VPS41: variants seen among roughly 807,000 people sequenced by gnomAD.
The protein encoded by VPS41 is VPS41 subunit of HOPS complex.
A neutral mutation model predicts 130.9 loss-of-function variants in VPS41; 85 were observed. The observed-to-expected ratio is 0.65, with a 90% CI of 0.55 to 0.78. The LOEUF is 0.78. Ranked by LOEUF, VPS41 falls within the 30% of genes least tolerant of loss-of-function variation. VPS41 has a pLI of 0.00. For missense variants in VPS41, 874 were observed against 1,018.7 expected (o/e 0.86, Z 1.93); for synonymous variants, 335 against 332.9 (o/e 1.01, Z -0.07).
intron 10 of VPS41, among the ~76,000 whole-genome samples, chr7:38,778,742 G>A (rs1221081990): frequency 1.3e-5 from 2 of 152,088 alleles, no homozygotes; most frequent in East Asian, 3.9e-4. Context: ...AAGGGAAAAC[G>A]TCTCCTAATC....
intron 4 of VPS41, among the ~76,000 whole-genome samples, chr7:38,857,286 C>T (rs886593893): frequency 3.9e-5 from 6 of 152,204 alleles, no homozygotes; most frequent in African/African-American, 1.4e-4. Context: ...TTTTAATCTC[C>T]TTTTTTTGTA....
chr7:38,850,078 C>G (rs1432111878), intron 4 of VPS41, among the ~76,000 whole-genome samples: 1 of 152,120 alleles, frequency 6.6e-6, no homozygotes, highest in African/African-American at 2.4e-5. Context: ...AAAGATAAGC[C>G]CACAGACTAG....
chr7:38,824,845 C>T (rs1384055610), intron 5 of VPS41, among the ~76,000 whole-genome samples: 1 of 151,962 alleles, frequency 6.6e-6, no homozygotes, highest in Non-Finnish European at 1.5e-5. Flanking sequence ...TTCTATTATG[C>T]AGAAAAGTAT....
Position 38,767,537 on chromosome 7 carries a change from C to G in VPS41, c.1247G>C (p.Arg416Pro), listed in dbSNP as rs1211913824. ...VERGDYDIAA[R>P]KCQKILGKNA... is the part of the protein sequence containing the mutation. ...ATAATTGTGAAAATGTCATCATTAC[C>G]GTGCTGCTATGTCATAGTCTCCTCT... The change falls in exon 15 of 29, where the codon CGC (arginine) becomes CCC (proline). Residue 416 changes from arginine (R) to proline (P), a missense_variant and splice_region_variant. Physicochemically the swap from Arg to Pro is moderately radical, Grantham distance 103. Transcript: ENST00000310301. 1 of 1,594,426 alleles carries G rather than the reference C, an allele frequency of 6.3e-7. No homozygotes were observed. The highest frequency in any genetic ancestry group is 1.7e-5 in the Admixed American group (1 of 58,846).
intron 2 of VPS41, among the ~76,000 whole-genome samples, chr7:38,892,682 A>T (rs1786892226): frequency 6.6e-6 from 1 of 152,244 alleles, no homozygotes; most frequent in African/African-American, 2.4e-5. Flanking sequence ...GCCATATAAA[A>T]GAGGTCACCA....
intron 13 of VPS41, among the ~76,000 whole-genome samples, chr7:38,771,915 C>A (rs969568585): frequency 6.6e-6 from 1 of 151,990 alleles, no homozygotes; most frequent in Non-Finnish European, 1.5e-5. Context: ...TTTTCCAAAT[C>A]CTTTCAGATG....
intron 7 of VPS41, among the ~76,000 whole-genome samples, chr7:38,808,349 TG>T (rs1432293865): frequency 6.6e-6 from 1 of 152,204 alleles, no homozygotes; most frequent in African/African-American, 2.4e-5. Context: ...TTTTATTGCT[TG>T]GTTTTTCATA....
At position 38,821,706 on chromosome 7, in the gene VPS41, C is replaced by CAAA. The variant is rs10669199; in HGVS notation, c.322-444_322-442dup. On this transcript the variant is annotated intron_variant, in intron 5 of 28. Coordinates refer to ENST00000310301, the MANE Select transcript of VPS41 (RefSeq NM_014396.4). The stretch of plus-strand genomic sequence containing the variant: ...TGGGTGACAGAGTGAGACTCCGTCT[C>CAAA]AAAAAAAAAAAAAAAGAAAAAGAAA... Among the ~76,000 whole-genome samples the CAAA allele has an allele frequency of 1.5e-3, 173 of 117,116 alleles. 1 individual carries two copies. The highest frequency in any genetic ancestry group is 3.2e-3 in the East Asian group (13 of 4,074). The allele number at this position is 117,116 out of a possible 152,430, so 76.8% of individuals were successfully genotyped here. A position where few individuals can be genotyped will look rare whatever the true frequency, so the allele number is the denominator to read the frequency against.
chr7:38,762,926 A>G (rs1337374171), intron 17 of VPS41, among the ~76,000 whole-genome samples: 1 of 152,206 alleles, frequency 6.6e-6, no homozygotes, highest in Non-Finnish European at 1.5e-5. Context: ...TCAACAGGGT[A>G]ACTTTGACGA....
At chr7:38,846,999 T>TA (rs1300641264) in intron 4 of VPS41, among the ~76,000 whole-genome samples, 1 of 151,938 alleles carries the variant, frequency 6.6e-6, no homozygotes, top group Non-Finnish European at 1.5e-5. Context: ...ATATTTAGAT[T>TA]AAAAAAGAGT....
chr7:38,801,567 A>G (rs1321952688), intron 7 of VPS41, among the ~76,000 whole-genome samples: 1 of 152,210 alleles, frequency 6.6e-6, no homozygotes, highest in Non-Finnish European at 1.5e-5. Flanking sequence ...GAAAGTCATC[A>G]TTTAAGAGAA....
At chr7:38,785,759 T>C (rs911715816) in intron 10 of VPS41, among the ~76,000 whole-genome samples, 1 of 152,180 alleles carries the variant, frequency 6.6e-6, no homozygotes, top group African/African-American at 2.4e-5. Flanking sequence ...TTTCTTCTTT[T>C]TAAAAGGGCT....
intron 4 of VPS41, among the ~76,000 whole-genome samples, chr7:38,846,997 A>G (rs1341485909): frequency 1.3e-5 from 2 of 152,176 alleles, no homozygotes; most frequent in Non-Finnish European, 2.9e-5. Context: ...CAATATTTAG[A>G]TTAAAAAAGA....
chr7:38,908,563 T>C (rs1253560325), intron 1 of VPS41, among the ~76,000 whole-genome samples: 1 of 152,136 alleles, frequency 6.6e-6, no homozygotes, highest in Admixed American at 6.5e-5. Context: ...AGGACGGCCT[T>C]ATTATTACCC....
intron 18 of VPS41, among the ~76,000 whole-genome samples, chr7:38,757,413 C>T (rs1783819920): frequency 6.6e-6 from 1 of 152,134 alleles, no homozygotes; most frequent in Admixed American, 6.5e-5. Context: ...CTGTGTCTAA[C>T]TGAAATGTGT....
chr7:38,738,468 T>G (rs1448679203), intron 25 of VPS41, among the ~76,000 whole-genome samples: 4 of 152,106 alleles, frequency 2.6e-5, no homozygotes, highest in African/African-American at 9.7e-5. Flanking sequence ...TCAAAAGAAG[T>G]CTTTAAGAAC....
chr7:38,762,673 A>G (rs1214939997), intron 17 of VPS41, among the ~76,000 whole-genome samples: 1 of 152,234 alleles, frequency 6.6e-6, no homozygotes, highest in Non-Finnish European at 1.5e-5. Flanking sequence ...TTGTTAGGGA[A>G]CACAGCTATT....
rs769191459 is a variant in VPS41 at position 38,728,538 on chromosome 7, T to C, written c.2404+4A>G. 5.6e-6 allele frequency: 9 copies of C among 1,614,172 alleles called. No homozygotes were observed. The South Asian group carries it at 9.9e-5, about 18-fold the overall frequency. On this transcript the variant is annotated splice_donor_region_variant and intron_variant, in intron 27 of 28. Transcript: ENST00000310301. Reference sequence around the variant, plus strand: ...TGGGATTTTTTTGGGGAAAACCTTCTTACCTGATGGAAGAATAGGGGAAAG... The same window carrying C: ...TGGGATTTTTTTGGGGAAAACCTTCCTACCTGATGGAAGAATAGGGGAAAG...
chr7:38,819,219 A>T (rs1785118157), intron 6 of VPS41, among the ~76,000 whole-genome samples: 1 of 152,224 alleles, frequency 6.6e-6, no homozygotes, highest in Non-Finnish European at 1.5e-5. Flanking sequence ...TCTAACTTGC[A>T]ATAGCTAGGC....
Sources: allele counts gnomAD v4.1 joint callset (sites outside exome capture counted in the v4.1 genomes callset), GRCh38; gene constraint gnomAD v4.1.1; transcripts MANE v1.5; gene names NCBI Gene and HGNC (gene_info 2026-07-23, HGNC 2026-07-21).